The following GLT1D1 variants were observed in gnomAD, a reference collection of about 807,000 sequenced individuals.
GLT1D1 encodes the protein glycosyltransferase 1 domain containing 1.
In GLT1D1, 21 loss-of-function variants were observed where a neutral mutation model predicts 28.7. That is an observed-to-expected ratio of 0.73 (90% CI 0.52 to 1.05). GLT1D1 has a LOEUF of 1.05. GLT1D1 is among the 50% of genes least tolerant of loss of function. The pLI is 0.00. For missense variants in GLT1D1, 343 were observed against 330.6 expected, an observed-to-expected ratio of 1.04 and a Z score of -0.29; for synonymous variants, 147 against 124.8, an observed-to-expected ratio of 1.18 and a Z score of -1.19.
At chr12:128,947,509 C>G (rs763439598) in intron 6 of GLT1D1, 51 bp downstream of exon 10, 1 of 1,602,626 alleles carries the variant, frequency 6.2e-7, no homozygotes, top group Admixed American at 1.7e-5. Context: ...TTGTCCATCA[C>G]TCCTTCTCCT....
rs978926424 is a variant in GLT1D1, at chr12:128,853,666, G to C, written c.68+17G>C. ...GCGCGTTCGGTAGGTGCAGGGCGCCGGGGCCTACGAAGCCTGGGCCGGGGG... is the reference window on the plus strand; with the variant it reads ...GCGCGTTCGGTAGGTGCAGGGCGCCCGGGCCTACGAAGCCTGGGCCGGGGG... On this transcript the variant is annotated intron_variant, in intron 1 of 7. Coordinates refer to ENST00000281703, the MANE Select transcript of GLT1D1 (RefSeq NM_144669.3). 7 of 1,100,714 alleles carry C rather than the reference G, an allele frequency of 6.4e-6. No individual in the cohort carries two copies. Among genetic ancestry groups the C allele is most frequent in the East Asian group, 6.0e-5 (1 of 16,654 alleles). 68.2% of individuals were successfully genotyped at this position (1,100,714 alleles called of 1,614,324 possible).
chr12:128,906,984 G>T (rs1322830647), intron 4 of GLT1D1: 1 of 702,034 alleles, frequency 1.4e-6, no homozygotes, highest in East Asian at 2.7e-5. Flanking sequence ...GCAGATGTTA[G>T]CGCTGGCCTA....
intron 7 of GLT1D1, among the ~76,000 whole-genome samples, chr12:128,979,677 C>T (rs1880129017): frequency 6.6e-6 from 1 of 152,062 alleles, no homozygotes; most frequent in Non-Finnish European, 1.5e-5. Flanking sequence ...CTCTTGAGCC[C>T]AGGAGGCTGA....
chr12:128,958,226 G>A (rs570192284), intron 7 of GLT1D1, among the ~76,000 whole-genome samples: 40 of 152,246 alleles, frequency 2.6e-4, no homozygotes, highest in African/African-American at 9.4e-4. Context: ...GGGGATTTGC[G>A]GTCCAGGGTT....
chr12:128,866,738 A>G (rs567104782), intron 1 of GLT1D1, among the ~76,000 whole-genome samples: 2 of 151,214 alleles, frequency 1.3e-5, no homozygotes, highest in Non-Finnish European at 2.9e-5. Context: ...CTCCTGCCTC[A>G]GCCTCCTGTG....
intron 4 of GLT1D1, among the ~76,000 whole-genome samples, chr12:128,903,341 C>T (rs1870502161): frequency 6.6e-6 from 1 of 151,734 alleles, no homozygotes; most frequent in African/African-American, 2.4e-5. Flanking sequence ...GAGAACGGGC[C>T]TCAACTCACA....
chr12:128,962,119 C>T (rs917873826), intron 7 of GLT1D1, among the ~76,000 whole-genome samples: 7 of 151,386 alleles, frequency 4.6e-5, no homozygotes, highest in African/African-American at 7.3e-5. Context: ...ATGGCAGCCC[C>T]GTGTGTGTGC....
intron 7 of GLT1D1, among the ~76,000 whole-genome samples, chr12:128,962,276 G>A (rs918622492): frequency 1.3e-5 from 2 of 152,242 alleles, no homozygotes; most frequent in African/African-American, 4.8e-5. Flanking sequence ...TCTCCTAGCT[G>A]CCTGTTGCAG....
At chr12:128,979,102 C>A (rs112292506) in intron 7 of GLT1D1, among the ~76,000 whole-genome samples, 1 of 152,230 alleles carries the variant, frequency 6.6e-6, no homozygotes, top group Non-Finnish European at 1.5e-5. Flanking sequence ...CTCAGTTTAC[C>A]CAGCTGCTAT....
intron 1 of GLT1D1, among the ~76,000 whole-genome samples, chr12:128,855,258 A>AC (rs1231402961): frequency 9.9e-5 from 15 of 151,368 alleles, no homozygotes; most frequent in African/African-American, 2.7e-4. Flanking sequence ...AACAACAACA[A>AC]AAAAAACAAA....
chr12:128,957,633 C>G lies in GLT1D1; in HGVS notation c.629C>G (p.Ser210Cys), dbSNP rs1376930969. The change falls in exon 7 of 8, where the codon TCC (serine) becomes TGC (cysteine). Residue 210 changes from serine to cysteine, a missense_variant. Transcript: ENST00000281703. ...CATGAAGTCACAGGGCTACTGTTTTCCAATCCTCAGGTAAAGAAAAGTTCT... is the reference window on the plus strand; with the variant it reads ...CATGAAGTCACAGGGCTACTGTTTTGCAATCCTCAGGTAAAGAAAAGTTCT... 6.2e-7 allele frequency: 1 copy of G among 1,610,256 alleles called. No homozygotes were observed. The highest frequency in any genetic ancestry group is 8.5e-7 in the Non-Finnish European group (1 of 1,176,636).
intron 3 of GLT1D1, among the ~76,000 whole-genome samples, chr12:128,894,698 A>C (rs988700470): frequency 2.6e-5 from 4 of 151,678 alleles, no homozygotes; most frequent in African/African-American, 9.7e-5. Context: ...ACAGAAAAAA[A>C]AATTAGCCGA....
chr12:128,895,458 ATTTT>A (rs534937317), intron 3 of GLT1D1, among the ~76,000 whole-genome samples: 1 of 137,488 alleles, frequency 7.3e-6, no homozygotes, highest in Admixed American at 7.5e-5. Context: ...TACAGAAGCT[ATTTT>A]TTTTTTTTTT....
intron 1 of GLT1D1, among the ~76,000 whole-genome samples, chr12:128,868,156 G>C (rs74353449): frequency 1.3e-5 from 2 of 152,192 alleles, no homozygotes; most frequent in Non-Finnish European, 2.9e-5. Flanking sequence ...ACTTATCTCC[G>C]TCTCCTGCAT....
At chr12:128,953,062 G>A (rs907220647) in intron 6 of GLT1D1, among the ~76,000 whole-genome samples, 10 of 151,222 alleles carry the variant, frequency 6.6e-5, no homozygotes, top group South Asian at 2.1e-4. Context: ...GATTACAGGC[G>A]TGAGCCACCA....
chr12:128,853,484 C>G lies in GLT1D1; in HGVS notation c.-98C>G. ...TCGGGGAGGGGCGGGCGGGACAGAC[C>G]CAGCCGCCCCGGCTCCCCCGCCGTC... is the stretch of plus-strand genomic sequence containing the variant. On this transcript the variant is annotated 5_prime_UTR_variant, in exon 1 of 8. Coordinates refer to ENST00000281703, the MANE Select transcript of GLT1D1 (RefSeq NM_144669.3). The G allele has an allele frequency of 1.1e-6, 1 of 941,024 alleles. No individual in the cohort carries two copies. The highest frequency in any genetic ancestry group is 1.3e-6 in the Non-Finnish European group (1 of 786,384). The allele number at this position is 941,024 out of a possible 1,614,324, so 58.3% of individuals were successfully genotyped here.
intron 7 of GLT1D1, among the ~76,000 whole-genome samples, chr12:128,977,325 T>C (rs576465295): frequency 6.6e-6 from 1 of 152,318 alleles, no homozygotes; most frequent in South Asian, 2.1e-4. Flanking sequence ...AATTACTCTC[T>C]AAAGACAAAA....
At chr12:128,908,370 T>TTTC (rs1471895610) in intron 4 of GLT1D1, among the ~76,000 whole-genome samples, 4 of 54,568 alleles carry the variant, frequency 7.3e-5, no homozygotes, top group African/African-American at 5.2e-5. Flanking sequence ...CTTTTCTTTC[T>TTTC]TTCTTTTCTT....
intron 1 of GLT1D1, among the ~76,000 whole-genome samples, chr12:128,857,717 G>A (rs1487533803): frequency 2.6e-5 from 4 of 152,154 alleles, no homozygotes; most frequent in Non-Finnish European, 5.9e-5. Flanking sequence ...CCCCAAATAC[G>A]TAAATCTGGA....
Sources: allele counts gnomAD v4.1 joint callset (sites outside exome capture counted in the v4.1 genomes callset), GRCh38; gene constraint gnomAD v4.1.1; transcripts MANE v1.5; gene names NCBI Gene and HGNC (gene_info 2026-07-23, HGNC 2026-07-21).